The following VPS4A variants were observed in gnomAD, a reference collection of about 807,000 sequenced individuals.
The protein encoded by VPS4A is vacuolar protein sorting 4 homolog A, also known as vacuolar protein sorting-associated protein 4A.
Under a neutral mutation model 52.3 loss-of-function variants are expected in VPS4A, and 20 were observed. The ratio of observed to expected loss-of-function variants is 0.38; its 90% CI spans 0.27 to 0.56. The LOEUF is 0.56. Among genes scored for constraint, VPS4A ranks in the 20% least tolerant of loss-of-function variants. The pLI, the probability that VPS4A is intolerant of heterozygous loss-of-function variation, is 0.72. For missense variants in VPS4A, 419 were observed against 575.9 expected, an observed-to-expected ratio of 0.73 and a Z score of 2.79; for synonymous variants, 293 against 227.7, an observed-to-expected ratio of 1.29 and a Z score of -2.58.
In VPS4A at chr16:69,325,025, C is replaced by T. The variant is rs1965570222; in HGVS notation, c.*716C>T. 6.6e-6 allele frequency: 1 copy of T among 152,376 alleles called. No homozygotes were observed. The highest frequency in any genetic ancestry group is 2.1e-4 in the South Asian group (1 of 4,836). The allele number at this position is 152,376 out of a possible 1,614,324, so 9.4% of individuals were successfully genotyped here. A position where few individuals can be genotyped will look rare whatever the true frequency, so the allele number is the denominator to read the frequency against. On this transcript the variant is annotated 3_prime_UTR_variant, in exon 11 of 11. Coordinates refer to ENST00000254950, the MANE Select transcript of VPS4A (RefSeq NM_013245.3). ...TGTCCTGGAAATGGTCTAATAAATC[C>T]TTTTCCCTTCTTGAGCTACCCAAGT...
intron 5 of VPS4A, among the ~76,000 whole-genome samples, 175 bp from the exon 6 acceptor site, chr16:69,319,212 T>C (rs1232927574): frequency 6.6e-6 from 1 of 152,154 alleles, no homozygotes; most frequent in East Asian, 1.9e-4. Context: ...TGCAAGGTCA[T>C]GGGGTCATAG....
At chr16:69,315,724 C>T (rs749820073) in intron 1 of VPS4A, among the ~76,000 whole-genome samples, 1 of 152,198 alleles carries the variant, frequency 6.6e-6, no homozygotes, top group Non-Finnish European at 1.5e-5. Flanking sequence ...GAACTTGCCC[C>T]TTGAGCCCTG....
chr16:69,321,045 C>T lies in VPS4A; in HGVS notation c.852-6C>T, dbSNP rs779690903. On this transcript the variant is annotated splice_region_variant and splice_polypyrimidine_tract_variant and intron_variant, in intron 8 of 10. Transcript: ENST00000254950. This position sits in a 1 kb window ranked among gnomAD's most constrained non-coding sequence, Gnocchi z 4.5. The stretch of plus-strand genomic sequence containing the variant: ...GTCAACTCCTGCCGTGTGCTGGGCT[C>T]TCTAGGTTTGAAAAACGAATTTATA... 1 of 1,573,654 alleles carries T rather than the reference C, an allele frequency of 6.4e-7. No homozygotes were observed. The highest frequency in any genetic ancestry group is 1.4e-5 in the African/African-American group (1 of 73,696).
intron 10 of VPS4A, 68 bp from the exon 11 acceptor site, chr16:69,324,140 G>C: frequency 6.7e-7 from 1 of 1,501,586 alleles, no homozygotes; most frequent in Non-Finnish European, 9.1e-7. Context: ...TGCGCCTGTT[G>C]TGTGCTGAGG....
intron 1 of VPS4A, among the ~76,000 whole-genome samples, chr16:69,312,407 A>G (rs763199798): frequency 6.6e-6 from 1 of 152,110 alleles, no homozygotes; most frequent in East Asian, 1.9e-4. Context: ...TAGCATTCAG[A>G]GACCTGGAGG....
rs890568110 is a variant in VPS4A, at chr16:69,311,376, G to A, written c.-136G>A. The A allele has an allele frequency of 3.0e-6, 3 of 997,044 alleles. No homozygotes were observed. The highest frequency in any genetic ancestry group is 3.4e-5 in the African/African-American group (2 of 58,764). 61.8% of individuals were successfully genotyped at this position (997,044 alleles called of 1,614,324 possible). ...CCCTCGGACTCGGCTCCCGCTGCGA[G>A]CGGCCGCCCTGCCCGCGCACCGCGC... On this transcript the variant is annotated 5_prime_UTR_variant, in exon 1 of 11. Coordinates refer to ENST00000254950, the MANE Select transcript of VPS4A (RefSeq NM_013245.3).
In VPS4A at chr16:69,318,804, G is replaced by A. The variant is rs751768665; in HGVS notation, c.344-19G>A. 4 of 1,611,804 alleles carry A rather than the reference G, an allele frequency of 2.5e-6. No homozygotes were observed. Among genetic ancestry groups the A allele is most frequent in the South Asian group, 1.1e-5 (1 of 90,854 alleles). On this transcript the variant is annotated intron_variant, in intron 4 of 10. Coordinates refer to ENST00000254950, the MANE Select transcript of VPS4A (RefSeq NM_013245.3). ...GCCCCTTGGCCGGGCCCGGGCCCGG[G>A]CCGGCCTCCCTCTCGCAGGTGCCGT... is the stretch of plus-strand genomic sequence containing the variant.
Position 69,321,400 on chromosome 16 carries a change from C to T in VPS4A, c.1071+130C>T, listed in dbSNP as rs1262001655. The T allele has an allele frequency of 2.0e-6, 2 of 1,021,840 alleles. No individual in the cohort carries two copies. The highest frequency in any genetic ancestry group is 5.2e-5 in the East Asian group (2 of 38,212). The allele number at this position is 1,021,840 out of a possible 1,614,324, so 63.3% of individuals were successfully genotyped here. On this transcript the variant is annotated intron_variant, in intron 9 of 10. Transcript: ENST00000254950. This position sits in a 1 kb window ranked among gnomAD's most constrained non-coding sequence, Gnocchi z 4.5. Reference sequence around the variant, plus strand: ...ACAGTCTCTGAGGCCTCCTGGAGAGCCGAGGGCCAGTGCCATGGGGGCTGC... The same window carrying T: ...ACAGTCTCTGAGGCCTCCTGGAGAGTCGAGGGCCAGTGCCATGGGGGCTGC...
chr16:69,319,188 TAGC>T (rs747901245), intron 5 of VPS4A, among the ~76,000 whole-genome samples, 196 bp from the exon 6 acceptor site: 4 of 150,110 alleles, frequency 2.7e-5, no homozygotes, highest in African/African-American at 7.6e-5. Context: ...CATGGGGTCA[TAGC>T]AGGGGCACTG....
rs1965506435 is a variant in VPS4A at position 69,321,239 on chromosome 16, G to A, written c.1040G>A (p.Arg347Lys). Residue 347 changes from arginine (R) to lysine (K), a missense_variant, in exon 9 of 11, where the codon AGG becomes AAG. Around this residue, in one of 3 missense-constraint regions of VPS4A, gnomAD observed 185 missense variants for 200.2 expected, o/e 0.92. Transcript: ENST00000254950. This position sits in a 1 kb window ranked among gnomAD's most constrained non-coding sequence, Gnocchi z 4.5. ...IVRDSLMQPV[R>K]KVQSATHFKK... ...CGGGACTCTCTCATGCAGCCCGTGA[G>A]GAAGGTGCAGTCGGCCACACACTTC... 1 of 1,559,670 alleles carries A rather than the reference G, an allele frequency of 6.4e-7. No individual in the cohort carries two copies. The highest frequency in any genetic ancestry group is 8.7e-7 in the Non-Finnish European group (1 of 1,152,394).
chr16:69,311,923 G>T (rs562109756), intron 1 of VPS4A, among the ~76,000 whole-genome samples: 59 of 151,770 alleles, frequency 3.9e-4, no homozygotes, highest in Admixed American at 2.0e-4. Context: ...TCCTGTCCCG[G>T]GTCCTGGAAG....
chr16:69,320,960 C>A lies in VPS4A; in HGVS notation c.852-91C>A, dbSNP rs113729723. The stretch of plus-strand genomic sequence containing the variant: ...GCCAGCATCACTGGCCCATGAAATG[C>A]GTCCGTTTCACTCAAATCTTCGTGC... On this transcript the variant is annotated intron_variant, in intron 8 of 10. Coordinates refer to ENST00000254950, the MANE Select transcript of VPS4A (RefSeq NM_013245.3). This position sits in a 1 kb window ranked among gnomAD's most constrained non-coding sequence, Gnocchi z 4.2. 6,440 of 1,358,756 alleles carry A rather than the reference C, an allele frequency of 4.7e-3. 25 individuals are homozygous for A. The highest frequency in any genetic ancestry group is 5.2e-3 in the Non-Finnish European group (5,051 of 979,936). 84.2% of individuals were successfully genotyped at this position (1,358,756 alleles called of 1,614,324 possible). A position where few individuals can be genotyped will look rare whatever the true frequency, so the allele number is the denominator to read the frequency against.
In VPS4A at chr16:69,326,844, C is replaced by T. The variant is rs1406638340; in HGVS notation, c.*2535C>T. The T allele has an allele frequency of 1.3e-5, 2 of 152,196 alleles. No individual in the cohort carries two copies. The highest frequency in any genetic ancestry group is 4.8e-5 in the African/African-American group (2 of 41,456). The allele number at this position is 152,196 out of a possible 1,614,324, so 9.4% of individuals were successfully genotyped here. On this transcript the variant is annotated 3_prime_UTR_variant, in exon 11 of 11. Transcript: ENST00000254950. The stretch of plus-strand genomic sequence containing the variant: ...GATTTCTAAAACTCTGATGAGCTCA[C>T]AACGTTGACATGTATATGCGTTTTT...
intron 3 of VPS4A, among the ~76,000 whole-genome samples, chr16:69,318,400 C>T (rs1371295193): frequency 1.3e-5 from 2 of 152,348 alleles, no homozygotes; most frequent in South Asian, 2.1e-4. Flanking sequence ...AGGGCCGACC[C>T]GGATTCCCAT....
Position 69,320,913 on chromosome 16 carries a change from G to T in VPS4A, c.852-138G>T. On this transcript the variant is annotated intron_variant, in intron 8 of 10. Transcript: ENST00000254950. This position sits in a 1 kb window ranked among gnomAD's most constrained non-coding sequence, Gnocchi z 4.2. Reference sequence around the variant, plus strand: ...CCTGCCAAGCAGAGCCCTTTGTGAGGCTGGCTTGTTGAGGATGTGCCGCCA... The same window carrying T: ...CCTGCCAAGCAGAGCCCTTTGTGAGTCTGGCTTGTTGAGGATGTGCCGCCA... 8.1e-7 allele frequency: 1 copy of T among 1,239,332 alleles called. No individual in the cohort carries two copies. Among genetic ancestry groups the T allele is most frequent in the Non-Finnish European group, 1.1e-6 (1 of 879,196 alleles). 76.8% of individuals were successfully genotyped at this position (1,239,332 alleles called of 1,614,324 possible). A position where few individuals can be genotyped will look rare whatever the true frequency, so the allele number is the denominator to read the frequency against.
chr16:69,319,117 T>C (rs948590083), intron 5 of VPS4A, among the ~76,000 whole-genome samples, 175 bp downstream of exon 5: 1 of 151,734 alleles, frequency 6.6e-6, no homozygotes, highest in African/African-American at 2.4e-5. Context: ...GAGATGACGA[T>C]CACGTCACAG....
rs72795273 is a variant in VPS4A at position 69,326,073 on chromosome 16, C to G, written c.*1764C>G. Reference sequence around the variant, plus strand: ...GTCAAAGCACATTCACACAGAAAGACCTGGCCTAGTAAATGAAGCTTATAG... The same window carrying G: ...GTCAAAGCACATTCACACAGAAAGAGCTGGCCTAGTAAATGAAGCTTATAG... On this transcript the variant is annotated 3_prime_UTR_variant, in exon 11 of 11. Coordinates refer to ENST00000254950, the MANE Select transcript of VPS4A (RefSeq NM_013245.3). The G allele has an allele frequency of 5.8e-3, 878 of 152,450 alleles. 10 individuals carry two copies. The highest frequency in any genetic ancestry group is 0.028 in the Admixed American group (434 of 15,300). The allele number at this position is 152,450 out of a possible 1,614,324, so 9.4% of individuals were successfully genotyped here. A position where few individuals can be genotyped will look rare whatever the true frequency, so the allele number is the denominator to read the frequency against.
At chr16:69,317,781 C>G (rs925460855) in intron 3 of VPS4A, among the ~76,000 whole-genome samples, 11 of 151,038 alleles carry the variant, frequency 7.3e-5, no homozygotes, top group African/African-American at 2.7e-4. Context: ...CGACTGAGTG[C>G]GACTCTGTCT....
intron 1 of VPS4A, among the ~76,000 whole-genome samples, chr16:69,314,322 C>T (rs1182413139): frequency 1.3e-5 from 2 of 152,050 alleles, no homozygotes; most frequent in Non-Finnish European, 2.9e-5. Context: ...GGGGATGGGT[C>T]AGTGCTGCTC....
Sources: gnomAD v4.1 joint callset for allele counts (sites outside exome capture counted in the v4.1 genomes callset) on GRCh38, gnomAD v4.1.1 for gene constraint, gnomAD v4.1.1 regional missense constraint, Gnocchi (gnomAD v3.1) non-coding constraint, MANE v1.5 for transcripts, NCBI Gene and HGNC (gene_info 2026-07-23, HGNC 2026-07-21) for gene names.